Variants in PPP2R2C observed in about 807,000 individuals in gnomAD.
PPP2R2C encodes protein phosphatase 2, regulatory subunit B, gamma.
Under a neutral mutation model 45.3 loss-of-function variants are expected in PPP2R2C, and 10 were observed. The observed-to-expected ratio is 0.22, with a 90% CI of 0.14 to 0.37. The LOEUF is 0.37. PPP2R2C is among the 10% of genes least tolerant of loss of function. The pLI is 1.00. For missense variants in PPP2R2C, 308 were observed against 619.7 expected (o/e 0.50, Z 5.34); for synonymous variants, 257 against 245.4 (o/e 1.05, Z -0.44).
At chr4:6,532,903 A>G (rs913483249) in intron 2 of PPP2R2C, among the ~76,000 whole-genome samples, 1 of 152,222 alleles carries the variant, frequency 6.6e-6, no homozygotes, top group Non-Finnish European at 1.5e-5. Context: ...TGGGAGACGC[A>G]TCCCCAGCAT....
intron 2 of PPP2R2C, among the ~76,000 whole-genome samples, chr4:6,499,281 C>G (rs1193189620): frequency 1.3e-5 from 2 of 152,168 alleles, no homozygotes; most frequent in Admixed American, 6.5e-5. Flanking sequence ...GTGTCTGGCT[C>G]AGGAAATATT....
chr4:6,381,935 T>A (rs138291684), intron 1 of PPP2R2C: 325 of 1,533,020 alleles, frequency 2.1e-4, no homozygotes, highest in Non-Finnish European at 2.8e-4. Flanking sequence ...CAGAGATGAG[T>A]GGCCTGCACA....
intron 2 of PPP2R2C, among the ~76,000 whole-genome samples, chr4:6,515,494 C>A (rs1027200388): frequency 3.3e-5 from 5 of 152,230 alleles, no homozygotes; most frequent in African/African-American, 2.4e-5. Context: ...AGACTCATCT[C>A]TTTGTGTCCT....
intron 1 of PPP2R2C, among the ~76,000 whole-genome samples, chr4:6,413,645 C>T (rs956537709): frequency 2.6e-5 from 4 of 152,216 alleles, no homozygotes; most frequent in African/African-American, 9.6e-5. Context: ...TCAGCCTGCA[C>T]CACAGCACTC....
At chr4:6,392,976 C>T (rs1716761829) in intron 1 of PPP2R2C, among the ~76,000 whole-genome samples, 1 of 152,206 alleles carries the variant, frequency 6.6e-6, no homozygotes, top group African/African-American at 2.4e-5. Flanking sequence ...TCTCTCAGGC[C>T]TCGCTCCAGG....
chr4:6,446,635 C>T (rs1442495546), intron 1 of PPP2R2C, among the ~76,000 whole-genome samples: 3 of 152,110 alleles, frequency 2.0e-5, no homozygotes, highest in Non-Finnish European at 2.9e-5. Flanking sequence ...TCCTGGGGCA[C>T]GTCTGCAGGC....
At position 6,527,501 on chromosome 4, in the gene PPP2R2C, C is replaced by T. The variant is rs1724252184; in HGVS notation, c.49+7770G>A. On this transcript the variant is annotated intron_variant, in intron 2 of 9. Transcript: ENST00000506140. ...TGCATGGACCTGCCAAGTGCCCCAA[C>T]CAACATGTGCCATGAGAATACCATG... 3.0e-5 allele frequency among the ~76,000 whole-genome samples: 3 copies of T among 100,460 alleles called. No individual in the cohort carries two copies. In the Admixed American group the frequency reaches 3.2e-4, roughly 11 times the overall value. The allele number at this position is 100,460 out of a possible 152,430, so 65.9% of individuals were successfully genotyped here. A position where few individuals can be genotyped will look rare whatever the true frequency, so the allele number is the denominator to read the frequency against.
intron 1 of PPP2R2C, among the ~76,000 whole-genome samples, chr4:6,544,300 T>A (rs890649579): frequency 2.0e-5 from 3 of 152,214 alleles, no homozygotes; most frequent in African/African-American, 7.2e-5. Flanking sequence ...TCTAGTCAAT[T>A]TTCCTCCTAC....
At chr4:6,447,060 C>T (rs1720461130) in intron 1 of PPP2R2C, among the ~76,000 whole-genome samples, 1 of 152,098 alleles carries the variant, frequency 6.6e-6, no homozygotes, top group Non-Finnish European at 1.5e-5. Flanking sequence ...CTGTGGCTGG[C>T]AGCAGCCCAA....
chr4:6,345,159 C>T lies in PPP2R2C; in HGVS notation c.790+2687G>A, dbSNP rs558053617. ...GCCAATGAAGCCCCATCCTCCTTCC[C>T]ACAGGGCTCACACGGGGTCAGCAGC... On this transcript the variant is annotated intron_variant, in intron 6 of 8. Coordinates refer to ENST00000382599, the MANE Select transcript of PPP2R2C (RefSeq NM_020416.4). The surrounding 1 kb of genome is among the most constrained non-coding windows in gnomAD (Gnocchi z 5.3). 2.6e-5 allele frequency among the ~76,000 whole-genome samples: 4 copies of T among 152,332 alleles called. No homozygotes were observed. The East Asian group carries it at 7.7e-4, about 29-fold the overall frequency.
intron 2 of PPP2R2C, among the ~76,000 whole-genome samples, chr4:6,534,362 G>C (rs28574983): frequency 0.41 from 58,669 of 141,654 alleles, 11,580 homozygotes; most frequent in Middle Eastern, 0.55. Context: ...ACATCAATAC[G>C]TACACTAACA....
intron 1 of PPP2R2C, among the ~76,000 whole-genome samples, chr4:6,391,293 C>G (rs1225791957): frequency 6.6e-6 from 1 of 152,134 alleles, no homozygotes; most frequent in Non-Finnish European, 1.5e-5. Flanking sequence ...GCCACCTCCC[C>G]TCTCTGGACC....
intron 1 of PPP2R2C, chr4:6,383,756 A>G (rs1438282470): frequency 2.1e-6 from 2 of 939,638 alleles, no homozygotes; most frequent in African/African-American, 3.6e-5. Flanking sequence ...CGTAAACTTC[A>G]TGAGGGCAGG....
intron 1 of PPP2R2C, among the ~76,000 whole-genome samples, chr4:6,415,533 T>C (rs1470631654): frequency 6.6e-6 from 1 of 152,134 alleles, no homozygotes; most frequent in Non-Finnish European, 1.5e-5. Context: ...GAGGGGAACC[T>C]CAGCTGTGAG....
chr4:6,390,204 G>A (rs76359699), intron 1 of PPP2R2C, among the ~76,000 whole-genome samples: 3,506 of 151,230 alleles, frequency 0.023, 69 homozygotes, highest in East Asian at 0.11. Context: ...CCAGAGGGGC[G>A]TGGAGAACAC....
chr4:6,334,606 T>C (rs1732697953), intron 6 of PPP2R2C, among the ~76,000 whole-genome samples: 1 of 152,092 alleles, frequency 6.6e-6, no homozygotes, highest in African/African-American at 2.4e-5. Flanking sequence ...GCGTGGGGAC[T>C]AGGACCCCTG....
chr4:6,494,026 G>C lies in PPP2R2C; in HGVS notation c.49+41245C>G, dbSNP rs76137407. On this transcript the variant is annotated intron_variant, in intron 2 of 9. Transcript: ENST00000506140. ...CCAGCTTCGAGCCTGCAGCGTACCT[G>C]GGTTTGCACATTTTTTAAACCACCT... 7.9e-5 allele frequency among the ~76,000 whole-genome samples: 12 copies of C among 152,300 alleles called. No individual in the cohort carries two copies. The East Asian group carries it at 2.3e-3, about 29-fold the overall frequency.
chr4:6,431,858 A>G (rs1439487574), intron 1 of PPP2R2C, among the ~76,000 whole-genome samples: 1 of 152,188 alleles, frequency 6.6e-6, no homozygotes, highest in Admixed American at 6.5e-5. Flanking sequence ...CGGGGGGCTT[A>G]TAACAACAGC....
chr4:6,559,887 G>A (rs992587330), intron 1 of PPP2R2C, among the ~76,000 whole-genome samples: 27 of 152,186 alleles, frequency 1.8e-4, no homozygotes, highest in African/African-American at 4.8e-5. Context: ...GTTTTGTTAC[G>A]GCAGCCCCAA....
Sources: allele counts gnomAD v4.1 joint callset (sites outside exome capture counted in the v4.1 genomes callset), GRCh38; gene constraint gnomAD v4.1.1; non-coding constraint Gnocchi (gnomAD v3.1); transcripts MANE v1.5; gene names NCBI Gene and HGNC (gene_info 2026-07-23, HGNC 2026-07-21).